Variants in NGRN observed in about 807,000 individuals in gnomAD.
NGRN encodes the protein neugrin.
NGRN carries 12 observed loss-of-function variants against 13.1 expected under a neutral mutation model. The ratio of observed to expected loss-of-function variants is 0.92; its 90% CI spans 0.59 to 1.49. The LOEUF (loss-of-function observed/expected upper bound fraction) is 1.49. Ranked by LOEUF, NGRN falls within the 40% of genes most tolerant of loss-of-function variation. The pLI is 0.00. For synonymous variants in NGRN, 149 were observed against 145.8 expected (o/e 1.02, Z -0.16); for missense variants, 397 against 357.0 (o/e 1.11, Z -0.90).
intron 1 of NGRN, 199 bp downstream of exon 1, chr15:90,266,075 C>T (rs1395740613): frequency 1.8e-5 from 25 of 1,422,996 alleles, no homozygotes; most frequent in Non-Finnish European, 2.2e-5. Flanking sequence ...CGTATTTCAT[C>T]ATCAGTTTAG....
chr15:90,268,950 C>T lies in NGRN; in HGVS notation c.276-2238C>T, dbSNP rs1479821564. 4.1e-5 allele frequency among the ~76,000 whole-genome samples: 2 copies of T among 49,342 alleles called. 1 individual carries two copies. Among genetic ancestry groups the T allele is most frequent in the Non-Finnish European group, 8.2e-5 (2 of 24,422 alleles). The allele number at this position is 49,342 out of a possible 152,430, so 32.4% of individuals were successfully genotyped here. On this transcript the variant is annotated intron_variant, in intron 2 of 2. Coordinates refer to ENST00000379095, the MANE Select transcript of NGRN (RefSeq NM_001033088.3). The stretch of plus-strand genomic sequence containing the variant: ...CAGCTGAAACTGCTTTCTCCCACCC[C>T]CCCCCCCCCATTATTTATTTATTGA...
At chr15:90,270,912 C>G (rs777199731) in intron 2 of NGRN, among the ~76,000 whole-genome samples, 2 of 152,116 alleles carry the variant, frequency 1.3e-5, no homozygotes, top group African/African-American at 4.8e-5. Context: ...CTCGGCTCAC[C>G]GCAGCCTTCA....
Position 90,266,495 on chromosome 15 carries a change from A to G in NGRN, c.275+97A>G, listed in dbSNP as rs908930277. On this transcript the variant is annotated intron_variant, in intron 2 of 2. Transcript: ENST00000379095. ...TTGGCTTTTTTGATACTGCTTTTATATTTTCGTTTACTTTTTGTCGTTGAA... is the reference window on the plus strand; with the variant it reads ...TTGGCTTTTTTGATACTGCTTTTATGTTTTCGTTTACTTTTTGTCGTTGAA... 5.7e-6 allele frequency: 5 copies of G among 881,666 alleles called. No individual in the cohort carries two copies. The African/African-American group carries it at 8.6e-5, about 15-fold the overall frequency. 54.6% of individuals were successfully genotyped at this position (881,666 alleles called of 1,614,324 possible). A position where few individuals can be genotyped will look rare whatever the true frequency, so the allele number is the denominator to read the frequency against.
At chr15:90,269,171 T>C (rs1343364756) in intron 2 of NGRN, among the ~76,000 whole-genome samples, 2 of 129,390 alleles carry the variant, frequency 1.5e-5, no homozygotes, top group African/African-American at 6.1e-5. Flanking sequence ...AATTTTTTTT[T>C]TTTTTTTTTT....
chr15:90,269,114 G>GC (rs1256940047), intron 2 of NGRN, among the ~76,000 whole-genome samples: 3 of 142,810 alleles, frequency 2.1e-5, no homozygotes, highest in Non-Finnish European at 4.5e-5. Context: ...TCGTGCCTCA[G>GC]CCTTCCAAGT....
rs1324448777 is a variant in NGRN, at chr15:90,266,381, A to G, written c.258A>G (p.Glu86=). ...PGAPPRTLTW[E]AMEQIRYLHE... is the part of the protein sequence containing the mutation. The stretch of plus-strand genomic sequence containing the variant: ...CCCCGCCCAGGACCCTGACGTGGGA[A>G]GCCATGGAGCAGATACGGTGAGACT... Residue 86 remains glutamate, a synonymous_variant, in exon 2 of 3, where the codon GAA becomes GAG. Coordinates refer to ENST00000379095, the MANE Select transcript of NGRN (RefSeq NM_001033088.3). The G allele has an allele frequency of 6.2e-7, 1 of 1,613,606 alleles. No homozygotes were observed.
At position 90,271,364 on chromosome 15, in the gene NGRN, A is replaced by G; in HGVS notation, c.452A>G (p.Gln151Arg). 2.5e-6 allele frequency: 4 copies of G among 1,614,106 alleles called. No homozygotes were observed. Among genetic ancestry groups the G allele is most frequent in the Non-Finnish European group, 3.4e-6 (4 of 1,180,044 alleles). ...AAAGCTGGGCTTGCCCACTCGCTGC[A>G]GCACCTCCGGGGCTCTGGAAATACC... ...LKKAGLAHSL[Q>R]HLRGSGNTSK... The change falls in exon 3 of 3, where the codon CAG (glutamine) becomes CGG (arginine). Residue 151 changes from glutamine to arginine, a missense_variant. Transcript: ENST00000379095.
chr15:90,271,432 C>G lies in NGRN; in HGVS notation c.520C>G (p.Leu174Val), dbSNP rs11073922. The change falls in exon 3 of 3, where the codon CTT (leucine) becomes GTT (valine). Residue 174 changes from leucine to valine, a missense_variant. Coordinates refer to ENST00000379095, the MANE Select transcript of NGRN (RefSeq NM_001033088.3). ...AGGCCACTCTGTATCAGGCTCTTTG[C>G]TTATGCCAGGGCATGAAGCCTCATC... is the stretch of plus-strand genomic sequence containing the variant. ...PAGHSVSGSLLMPGHEASSKD... is the reference protein window; with the variant it reads ...PAGHSVSGSLVMPGHEASSKD... 7.4e-6 allele frequency: 12 copies of G among 1,613,862 alleles called. No homozygotes were observed. The African/African-American group carries it at 1.6e-4, about 22-fold the overall frequency.
intron 2 of NGRN, among the ~76,000 whole-genome samples, chr15:90,269,814 T>C (rs1367930565): frequency 6.6e-6 from 1 of 152,200 alleles, no homozygotes; most frequent in Admixed American, 6.5e-5. Context: ...CTGTTCCTGT[T>C]TTTCCTATAA....
rs1365374888 is a variant in NGRN, at chr15:90,265,738, T to C, written c.26T>C (p.Leu9Pro). 5 of 1,613,194 alleles carry C rather than the reference T, an allele frequency of 3.1e-6. No homozygotes were observed. In the Admixed American group the frequency reaches 6.7e-5, roughly 22 times the overall value. MAVTLSLL[L>P]GGRVCAAVTR... is the part of the protein sequence containing the mutation. ...ATGGCGGTTACCCTGAGTCTCTTGC[T>C]GGGCGGGCGCGTTTGCGCCGCCGTC... The change falls in exon 1 of 3, where the codon CTG becomes CCG. Residue 9 changes from leucine to proline, a missense_variant. Transcript: ENST00000379095.
At position 90,271,915 on chromosome 15, in the gene NGRN, C is replaced by G; in HGVS notation, c.*127C>G. 1 of 1,333,268 alleles carries G rather than the reference C, an allele frequency of 7.5e-7. No individual in the cohort carries two copies. The highest frequency in any genetic ancestry group is 2.3e-5 in the East Asian group (1 of 43,122). 82.6% of individuals were successfully genotyped at this position (1,333,268 alleles called of 1,614,324 possible). On this transcript the variant is annotated 3_prime_UTR_variant, in exon 3 of 3. Coordinates refer to ENST00000379095, the MANE Select transcript of NGRN (RefSeq NM_001033088.3). ...AATAGGAAGAGGTGTTGAGCCTGGA[C>G]TGTGGGAGGAAAGAGCTGCGTGGAT... is the stretch of plus-strand genomic sequence containing the variant.
intron 2 of NGRN, among the ~76,000 whole-genome samples, chr15:90,270,148 A>C (rs1241464668): frequency 6.6e-6 from 1 of 152,022 alleles, no homozygotes; most frequent in African/African-American, 2.4e-5. Flanking sequence ...CTCCTGCCTC[A>C]GCCTCTCAAA....
At chr15:90,269,162 ATTTTTTTTTTT>A (rs34266380) in intron 2 of NGRN, among the ~76,000 whole-genome samples, 5 of 89,618 alleles carry the variant, frequency 5.6e-5, no homozygotes, top group African/African-American at 1.7e-4. Flanking sequence ...TACCTGGCTA[ATTTTTTTTTTT>A]TTTTTTTTTT....
rs997725873 is a variant in NGRN, at chr15:90,266,124, G to A, written c.165-164G>A. On this transcript the variant is annotated intron_variant, in intron 1 of 2. Transcript: ENST00000379095. ...CTTACAGGCAGTTATTGTTCTAGGT[G>A]TTAGCTTTCTGGGTGTACGGAGCAG... is the stretch of plus-strand genomic sequence containing the variant. 5 of 1,447,548 alleles carry A rather than the reference G, an allele frequency of 3.5e-6. No individual in the cohort carries two copies. The African/African-American group carries it at 4.3e-5, about 12-fold the overall frequency. 89.7% of individuals were successfully genotyped at this position (1,447,548 alleles called of 1,614,324 possible). A position where few individuals can be genotyped will look rare whatever the true frequency, so the allele number is the denominator to read the frequency against.
chr15:90,271,071 C>A, intron 2 of NGRN, 117 bp from the exon 3 acceptor site: 1 of 1,195,526 alleles, frequency 8.4e-7, no homozygotes, highest in Non-Finnish European at 1.2e-6. Flanking sequence ...TCTGGGATTA[C>A]AGGTGTGAGC....
chr15:90,268,867 C>T (rs1161672244), intron 2 of NGRN, among the ~76,000 whole-genome samples: 1 of 149,716 alleles, frequency 6.7e-6, no homozygotes, highest in Non-Finnish European at 1.5e-5. Flanking sequence ...TGAGCTCAAG[C>T]GATCTGCCTG....
rs1235654014 is a variant in NGRN, at chr15:90,266,333, G to C, written c.210G>C (p.Arg70=). The change falls in exon 2 of 3, where the codon CGG becomes CGC. Residue 70 remains arginine (R), a synonymous_variant. Coordinates refer to ENST00000379095, the MANE Select transcript of NGRN (RefSeq NM_001033088.3). ...QKQAIRFQKI[R]RQMEAPGAPP... Reference sequence around the variant, plus strand: ...AAGCAATCCGATTCCAGAAAATTCGGAGGCAAATGGAGGCGCCTGGTGCCC... The same window carrying C: ...AAGCAATCCGATTCCAGAAAATTCGCAGGCAAATGGAGGCGCCTGGTGCCC... The C allele has an allele frequency of 3.1e-6, 5 of 1,613,948 alleles. No homozygotes were observed. The African/African-American group carries it at 6.7e-5, about 22-fold the overall frequency.
At chr15:90,268,952 C>A (rs1414787964) in intron 2 of NGRN, among the ~76,000 whole-genome samples, 79 of 84,876 alleles carry the variant, frequency 9.3e-4, no homozygotes, top group Non-Finnish European at 1.5e-3. Flanking sequence ...TCCCACCCCC[C>A]CCCCCCCATT....
chr15:90,269,033 G>C (rs1963468871), intron 2 of NGRN, among the ~76,000 whole-genome samples: 1 of 120,076 alleles, frequency 8.3e-6, no homozygotes, highest in South Asian at 2.6e-4. Flanking sequence ...GTCTCATTCT[G>C]CTGCCAGGCT....
Sources: allele counts gnomAD v4.1 joint callset (sites outside exome capture counted in the v4.1 genomes callset), GRCh38; gene constraint gnomAD v4.1.1; transcripts MANE v1.5; gene names NCBI Gene and HGNC (gene_info 2026-07-23, HGNC 2026-07-21).